Variants in WDR90 observed in about 807,000 individuals in gnomAD.
WDR90 encodes the protein WD repeat-containing protein 90.
In WDR90, 238 loss-of-function variants were observed where a neutral mutation model predicts 195.2. The observed-to-expected ratio is 1.22, with a 90% confidence interval of 1.10 to 1.36. The LOEUF (loss-of-function observed/expected upper bound fraction) is 1.36, where lower values mean the gene tolerates loss of function less well. WDR90 is among the 40% of genes most tolerant of loss of function. The pLI is 0.00. For missense variants in WDR90, 2,734 were observed against 2,439.5 expected (o/e 1.12, Z -2.54); for synonymous variants, 1,265 against 1,052.4 (o/e 1.20, Z -3.91).
At chr16:655,920 G>T (rs9930754) in intron 17 of WDR90, 31 bp downstream of exon 17, 5 of 1,564,302 alleles carry the variant, frequency 3.2e-6, no homozygotes, top group East Asian at 2.3e-5. Context: ...TCCCAACTCC[G>T]GGAGAGCCTC....
chr16:664,408 C>G (rs568951069), intron 34 of WDR90, among the ~76,000 whole-genome samples: 1 of 152,352 alleles, frequency 6.6e-6, no homozygotes, highest in Admixed American at 6.5e-5. Context: ...TGGCCAAATA[C>G]TGTTCCATTG....
chr16:662,284 G>A lies in WDR90; in HGVS notation c.4098G>A (p.Trp1366Ter). The A allele has an allele frequency of 1.3e-6, 2 of 1,583,322 alleles. No homozygotes were observed. The highest frequency in any genetic ancestry group is 1.7e-6 in the Non-Finnish European group (2 of 1,165,844). The change falls in exon 33 of 41, where the codon TGG (tryptophan) becomes TGA (stop). Residue 1366 changes from tryptophan (W) to a stop codon, truncating the protein, a stop_gained. Coordinates refer to ENST00000293879, the MANE Select transcript of WDR90 (RefSeq NM_145294.5). LOFTEE classifies it high-confidence loss of function. ...SGSSTGRLRL[W>*]AVGAVSELRC... ...GCAGCACGGGGCGGCTGCGCCTGTG[G>A]GCCGTGGGGGCTGTGTCGGAGCTGA... is the stretch of plus-strand genomic sequence containing the variant.
chr16:655,641 G>T lies in WDR90; in HGVS notation c.1787G>T (p.Arg596Leu). The T allele has an allele frequency of 1.9e-6, 3 of 1,606,838 alleles. No homozygotes were observed. Among genetic ancestry groups the T allele is most frequent in the Non-Finnish European group, 2.5e-6 (3 of 1,176,934 alleles). The stretch of plus-strand genomic sequence containing the variant: ...CAGCGCATGGTCGTGCGGCATGCCC[G>T]CCGCCTGCTCCCCACACGGACTCCA... Reference protein sequence around the residue: ...DCQRMVVRHARRLLPTRTPGG... With the variant: ...DCQRMVVRHALRLLPTRTPGG... The change falls in exon 16 of 41, where the codon CGC (arginine) becomes CTC (leucine). Residue 596 changes from arginine to leucine, a missense_variant. Physicochemically the swap from Arg to Leu is moderately radical, Grantham distance 102. Transcript: ENST00000293879.
chr16:662,169 A>G (rs1444992992), intron 32 of WDR90, 51 bp from the exon 33 acceptor site: 2 of 1,520,846 alleles, frequency 1.3e-6, no homozygotes, highest in African/African-American at 2.8e-5. Flanking sequence ...CTTGTGACCC[A>G]GGGCCTCTGG....
At position 651,068 on chromosome 16, in the gene WDR90, G is replaced by C; in HGVS notation, c.633G>C (p.Lys211Asn). The C allele has an allele frequency of 6.2e-7, 1 of 1,613,612 alleles. No individual in the cohort carries two copies. ...GGGAAATGGCATTCCCTGTGCCCAA[G>C]GGAGAGAGCTGGCATGACCGCTACA... ...MPREMAFPVP[K>N]GESWHDRYIH... Residue 211 changes from lysine (K) to asparagine (N), a missense_variant, in exon 6 of 41, where the codon AAG (lysine) becomes AAC (asparagine). Lys to Asn is a moderately conservative substitution (Grantham distance 94). Coordinates refer to ENST00000293879, the MANE Select transcript of WDR90 (RefSeq NM_145294.5).
intron 27 of WDR90, 97 bp downstream of exon 27, chr16:660,258 C>A: frequency 8.8e-7 from 1 of 1,131,478 alleles, no homozygotes; most frequent in Non-Finnish European, 1.2e-6. Context: ...TTTTGGTCGC[C>A]AAAGGTGATG....
Position 649,872 on chromosome 16 carries a change from C to T in WDR90, c.102+18C>T. ...TGGTCACGGTAGGCGGCCGGGGGCTCGCCCGGAGCCCACACCCCTGCCCTG... is the reference window on the plus strand; with the variant it reads ...TGGTCACGGTAGGCGGCCGGGGGCTTGCCCGGAGCCCACACCCCTGCCCTG... On this transcript the variant is annotated intron_variant, in intron 2 of 40. Transcript: ENST00000293879. 1 of 1,574,698 alleles carries T rather than the reference C, an allele frequency of 6.4e-7. No individual in the cohort carries two copies. The highest frequency in any genetic ancestry group is 1.1e-5 in the South Asian group (1 of 87,600).
chr16:650,074 C>T lies in WDR90; in HGVS notation c.186C>T (p.Thr62=). 1 of 1,613,042 alleles carries T rather than the reference C, an allele frequency of 6.2e-7. No homozygotes were observed. Among genetic ancestry groups the T allele is most frequent in the Non-Finnish European group, 8.5e-7 (1 of 1,179,986 alleles). ...ANYIQLPKSS[T]QSLGLTGRYL... ...ACATCCAGCTCCCTAAGAGCAGCAC[C>T]CAGTCTCTGGGGCTGACGGGACGAT... Residue 62 remains threonine (T), a synonymous_variant, in exon 3 of 41, where the codon ACC becomes ACT. Transcript: ENST00000293879.
At chr16:661,523 G>A in intron 30 of WDR90, 22 bp downstream of exon 30, 1 of 1,577,810 alleles carries the variant, frequency 6.3e-7, no homozygotes. Flanking sequence ...GGAGGGTGGA[G>A]GCCAGGGGCT....
At chr16:665,839 G>T (rs773388053) in intron 35 of WDR90, 38 bp downstream of exon 35, 2 of 1,515,366 alleles carry the variant, frequency 1.3e-6, no homozygotes, top group Non-Finnish European at 1.8e-6. Context: ...CGGGATGGGG[G>T]CCTGCTCAGT....
intron 39 of WDR90, 53 bp from the exon 40 acceptor site, chr16:666,852 C>T: frequency 6.2e-7 from 1 of 1,612,890 alleles, no homozygotes. Context: ...GTGGGTGGGG[C>T]CTGGCTGAGC....
Position 655,554 on chromosome 16 carries a change from C to T in WDR90, c.1719-19C>T, listed in dbSNP as rs943048351. On this transcript the variant is annotated intron_variant, in intron 15 of 40. Coordinates refer to ENST00000293879, the MANE Select transcript of WDR90 (RefSeq NM_145294.5). ...CCCTTCCCTGAGGGCCTCACCTTCCCTGCCGCCTCCTCGGGCAGCTTCGTG... is the reference window on the plus strand; with the variant it reads ...CCCTTCCCTGAGGGCCTCACCTTCCTTGCCGCCTCCTCGGGCAGCTTCGTG... The T allele has an allele frequency of 1.7e-5, 27 of 1,570,942 alleles. No homozygotes were observed. The highest frequency in any genetic ancestry group is 2.1e-5 in the Non-Finnish European group (24 of 1,156,552).
At position 651,086 on chromosome 16, in the gene WDR90, C is replaced by T. The variant is rs2037636688; in HGVS notation, c.651C>T (p.Asp217=). 1 of 1,613,620 alleles carries T rather than the reference C, an allele frequency of 6.2e-7. No individual in the cohort carries two copies. Among genetic ancestry groups the T allele is most frequent in the Non-Finnish European group, 8.5e-7 (1 of 1,179,986 alleles). ...FPVPKGESWH[D]RYIHVRFPSE... ...TGCCCAAGGGAGAGAGCTGGCATGA[C>T]CGCTACATCCACGTCCGGTGAGTGG... Residue 217 remains aspartate (D), a synonymous_variant, in exon 6 of 41, where the codon GAC becomes GAT. Coordinates refer to ENST00000293879, the MANE Select transcript of WDR90 (RefSeq NM_145294.5).
chr16:654,378 CTT>C (rs755840910), intron 13 of WDR90: 12 of 135,130 alleles, frequency 8.9e-5, no homozygotes, highest in South Asian at 4.9e-4. Context: ...ACCTGGCTAA[CTT>C]TTTTTTTTTT....
Position 655,798 on chromosome 16 carries a change from C to T in WDR90, c.1875C>T (p.Leu625=), listed in dbSNP as rs1360330408. The part of the protein sequence containing the change: ...SSGPGIAISS[L]SVSPAMCAVG... Reference sequence around the variant, plus strand: ...GCCCCGGCATTGCCATCAGCAGCCTCAGCGTCTCCCCGGCCATGTGTGCTG... The same window carrying T: ...GCCCCGGCATTGCCATCAGCAGCCTTAGCGTCTCCCCGGCCATGTGTGCTG... The change falls in exon 17 of 41, where the codon CTC becomes CTT. Residue 625 remains leucine, a synonymous_variant. Coordinates refer to ENST00000293879, the MANE Select transcript of WDR90 (RefSeq NM_145294.5). 2 of 1,590,578 alleles carry T rather than the reference C, an allele frequency of 1.3e-6. No individual in the cohort carries two copies. The highest frequency in any genetic ancestry group is 8.5e-7 in the Non-Finnish European group (1 of 1,169,840).
intron 4 of WDR90, 37 bp downstream of exon 4, chr16:650,399 G>T: frequency 6.3e-7 from 1 of 1,597,628 alleles, no homozygotes. Flanking sequence ...TCCAGGACAG[G>T]TGGCTGGAGG....
chr16:662,404 G>A, intron 33 of WDR90, 73 bp downstream of exon 33: 1 of 1,505,508 alleles, frequency 6.6e-7, no homozygotes, highest in Non-Finnish European at 8.9e-7. Flanking sequence ...TGCAGCCAGT[G>A]CCCCGCCCCC....
chr16:657,035 C>A (rs1009536332), intron 19 of WDR90, 56 bp from the exon 20 acceptor site: 24 of 1,583,694 alleles, frequency 1.5e-5, no homozygotes, highest in Non-Finnish European at 2.0e-5. Flanking sequence ...GTCGAGGGAA[C>A]CCATGGTACC....
rs752097396 is a variant in WDR90 at position 659,105 on chromosome 16, G to GC, written c.3038dup (p.Ala1014SerfsTer193). The GC allele has an allele frequency of 1.4e-5, 23 of 1,611,982 alleles. No homozygotes were observed. The highest frequency in any genetic ancestry group is 1.6e-4 in the Middle Eastern group (1 of 6,062). ...CTCCAGCGACCAAAGCTTCCCCGGG[G>GC]CCCCCCCAGCCTGCAAGACAGGTGA... is the stretch of plus-strand genomic sequence containing the variant. On this transcript the variant is annotated frameshift_variant, in exon 25 of 41. Transcript: ENST00000293879. LOFTEE classifies it high-confidence loss of function.
Sources: gnomAD v4.1 joint callset for allele counts (sites outside exome capture counted in the v4.1 genomes callset) on GRCh38, gnomAD v4.1.1 for gene constraint, MANE v1.5 for transcripts, NCBI Gene and HGNC (gene_info 2026-07-23, HGNC 2026-07-21) for gene names.